SLC6A5: variants seen among roughly 807,000 people sequenced by gnomAD.
The protein encoded by SLC6A5 is solute carrier family 6 member 5.
Under a neutral mutation model 90.5 loss-of-function variants are expected in SLC6A5, and 58 were observed. The observed-to-expected ratio is 0.64, with a 90% CI of 0.52 to 0.80. SLC6A5 has a LOEUF of 0.80. Among genes scored for constraint, SLC6A5 ranks in the 30% least tolerant of loss-of-function variants. The pLI, the probability that SLC6A5 is intolerant of heterozygous loss-of-function variation, is 0.00. For synonymous variants in SLC6A5, 427 were observed against 401.4 expected (o/e 1.06, Z -0.76); for missense variants, 1,015 against 1,017.6 (o/e 1.00, Z 0.03).
At position 20,617,839 on chromosome 11, in the gene SLC6A5, C is replaced by T. The variant is rs1475976699; in HGVS notation, c.1215C>T (p.Val405=). ...PLALCLFLAW[V]IVYASLAKGI... is the part of the protein sequence containing the mutation. ...CTCTCTGCCTCTTCCTGGCTTGGGT[C>T]ATTGTGTATGCATCATTGGCTAAAG... Residue 405 remains valine, a synonymous_variant, in exon 7 of 16, where the codon GTC becomes GTT. Transcript: ENST00000525748. 1.9e-6 allele frequency: 3 copies of T among 1,613,818 alleles called. No homozygotes were observed. The East Asian group carries it at 6.7e-5, about 36-fold the overall frequency.
intron 6 of SLC6A5, among the ~76,000 whole-genome samples, chr11:20,615,647 G>A (rs918299307): frequency 1.2e-4 from 18 of 152,184 alleles, no homozygotes; most frequent in African/African-American, 3.4e-4. Flanking sequence ...GATTACAGGC[G>A]TGAGCCACTG....
chr11:20,604,478 G>A, intron 3 of SLC6A5, 54 bp downstream of exon 3: 2 of 1,594,646 alleles, frequency 1.3e-6, no homozygotes, highest in Admixed American at 1.7e-5. Flanking sequence ...GCACCTGAGG[G>A]TTGGGTGGGA....
chr11:20,610,276 C>T (rs1051076402), intron 5 of SLC6A5, among the ~76,000 whole-genome samples: 1 of 151,666 alleles, frequency 6.6e-6, no homozygotes, highest in Admixed American at 6.6e-5. Context: ...AGGCTCCGGG[C>T]GCTGGGAAGC....
In SLC6A5 at chr11:20,654,708, T is replaced by A; in HGVS notation, c.2239-5T>A. On this transcript the variant is annotated splice_polypyrimidine_tract_variant and splice_region_variant and intron_variant, in intron 15 of 15. Coordinates refer to ENST00000525748, the MANE Select transcript of SLC6A5 (RefSeq NM_004211.5). ...TGACCATGTCTGTCTTTGGCTTCTT[T>A]GCAGAGGCTGAAGTTGGTGTGCTCG... The A allele has an allele frequency of 6.2e-7, 1 of 1,614,144 alleles. No individual in the cohort carries two copies. The highest frequency in any genetic ancestry group is 8.5e-7 in the Non-Finnish European group (1 of 1,180,008).
chr11:20,600,405 GAAGAAGAC>G (rs1175456160), intron 1 of SLC6A5, among the ~76,000 whole-genome samples: 10 of 137,566 alleles, frequency 7.3e-5, no homozygotes, highest in Non-Finnish European at 1.6e-4. Context: ...AGAAGAAGAA[GAAGAAGAC>G]CTAAACAAAA....
intron 6 of SLC6A5, among the ~76,000 whole-genome samples, chr11:20,615,938 C>T (rs1248740874): frequency 6.6e-6 from 1 of 152,098 alleles, no homozygotes; most frequent in East Asian, 1.9e-4. Context: ...GGCAGTGATG[C>T]CAGAGCTTCT....
At chr11:20,650,575 C>T (rs1002211389) in intron 14 of SLC6A5, among the ~76,000 whole-genome samples, 1 of 151,732 alleles carries the variant, frequency 6.6e-6, no homozygotes, top group Non-Finnish European at 1.5e-5. Flanking sequence ...TAAAGGTCCC[C>T]TCAGCTAATT....
At chr11:20,617,621 G>T in intron 6 of SLC6A5, 131 bp from the exon 7 acceptor site, 1 of 780,052 alleles carries the variant, frequency 1.3e-6, no homozygotes, top group East Asian at 2.6e-5. Flanking sequence ...GTTCCTGATG[G>T]TGGGGTGGGT....
At chr11:20,637,391 A>G in intron 12 of SLC6A5, 88 bp downstream of exon 12, 2 of 1,226,180 alleles carry the variant, frequency 1.6e-6, no homozygotes, top group South Asian at 2.5e-5. Context: ...TAGCTCTCAG[A>G]CCTTATAATC....
Position 20,601,502 on chromosome 11 carries a change from G to T in SLC6A5, c.377G>T (p.Arg126Leu), listed in dbSNP as rs758345882. ...CTGCACTGTAAGATCCCTTTTCTGC[G>T]AGGCCCGGAGGGGGATGCGAACGTG... ...NALHCKIPFL[R>L]GPEGDANVSV... The change falls in exon 2 of 16, where the codon CGA (arginine) becomes CTA (leucine). Residue 126 changes from arginine to leucine, a missense_variant. By Grantham distance (102) the Arg-to-Leu change is moderately radical. This residue lies in a region of SLC6A5 where 567 missense variants were observed against 507.3 expected (regional missense o/e 1.12). Coordinates refer to ENST00000525748, the MANE Select transcript of SLC6A5 (RefSeq NM_004211.5). 6.2e-7 allele frequency: 1 copy of T among 1,613,944 alleles called. No individual in the cohort carries two copies. Among genetic ancestry groups the T allele is most frequent in the Admixed American group, 1.7e-5 (1 of 59,984 alleles).
At chr11:20,632,530 A>G (rs550337687) in intron 10 of SLC6A5, among the ~76,000 whole-genome samples, 1 of 152,174 alleles carries the variant, frequency 6.6e-6, no homozygotes, top group Non-Finnish European at 1.5e-5. Flanking sequence ...CACTTCTAAC[A>G]GGTTCTAACC....
intron 1 of SLC6A5, 142 bp downstream of exon 1, chr11:20,599,817 C>G (rs1213682028): frequency 3.0e-6 from 3 of 996,372 alleles, no homozygotes; most frequent in South Asian, 1.3e-5. Context: ...TTCTCGCAGC[C>G]CTAGGTATTT....
chr11:20,610,249 C>G (rs1852668052), intron 5 of SLC6A5, among the ~76,000 whole-genome samples: 1 of 152,212 alleles, frequency 6.6e-6, no homozygotes, highest in South Asian at 2.1e-4. Flanking sequence ...CCATCATTCC[C>G]TCGCGGGTGG....
intron 10 of SLC6A5, 108 bp from the exon 11 acceptor site, chr11:20,636,199 T>C: frequency 1.4e-6 from 1 of 739,538 alleles, no homozygotes; most frequent in South Asian, 1.5e-5. Flanking sequence ...GGAAGCAGCA[T>C]ATAAGAAGTA....
chr11:20,601,118 T>G lies in SLC6A5; in HGVS notation c.4-11T>G. The G allele has an allele frequency of 6.3e-7, 1 of 1,584,292 alleles. No individual in the cohort carries two copies. On this transcript the variant is annotated splice_polypyrimidine_tract_variant and intron_variant, in intron 1 of 15. Coordinates refer to ENST00000525748, the MANE Select transcript of SLC6A5 (RefSeq NM_004211.5). ...ACTTTGTTTTGCACGAACTTGACAT[T>G]GTGTTTGCAGGATTGCAGTGCTCCC... is the stretch of plus-strand genomic sequence containing the variant.
chr11:20,609,262 T>TA (rs1335801499), intron 5 of SLC6A5, among the ~76,000 whole-genome samples: 1 of 151,844 alleles, frequency 6.6e-6, no homozygotes, highest in Non-Finnish European at 1.5e-5. Context: ...ATCTCATTCT[T>TA]ACCCAGTGTT....
At chr11:20,636,690 G>A (rs935286306) in intron 11 of SLC6A5, among the ~76,000 whole-genome samples, 3 of 152,052 alleles carry the variant, frequency 2.0e-5, no homozygotes, top group South Asian at 2.1e-4. Flanking sequence ...TCCTGCCTTC[G>A]TGTCATTTTG....
intron 14 of SLC6A5, among the ~76,000 whole-genome samples, chr11:20,650,878 G>T (rs1329111495): frequency 2.0e-5 from 3 of 151,954 alleles, no homozygotes; most frequent in African/African-American, 7.3e-5. Context: ...GTGTTAGCCA[G>T]GATGGTCTCG....
At chr11:20,613,262 C>A (rs1267237546) in intron 5 of SLC6A5, among the ~76,000 whole-genome samples, 4 of 152,166 alleles carry the variant, frequency 2.6e-5, no homozygotes, top group Non-Finnish European at 5.9e-5. Context: ...TTAGTCAATG[C>A]ATGTAAAGTA....
Sources: allele counts gnomAD v4.1 joint callset (sites outside exome capture counted in the v4.1 genomes callset), GRCh38; gene constraint gnomAD v4.1.1; regional missense constraint gnomAD v4.1.1; transcripts MANE v1.5; gene names NCBI Gene and HGNC (gene_info 2026-07-23, HGNC 2026-07-21).